BLTP1: variants seen among roughly 807,000 people sequenced by gnomAD.
The protein encoded by BLTP1 is bridge-like lipid transfer protein family member 1.
chr4:122,252,217 C>T, the BLTP1 span, among the ~76,000 whole-genome samples: 207 of 152,290 alleles, frequency 1.4e-3, 3 homozygotes, highest in African/African-American at 4.6e-3. Context: ...TGACCTAGCA[C>T]GTTCCTAGCT....
the BLTP1 span, among the ~76,000 whole-genome samples, chr4:122,296,343 A>G: frequency 6.6e-6 from 1 of 152,224 alleles, no homozygotes; most frequent in Non-Finnish European, 1.5e-5. Flanking sequence ...TAAAATACCT[A>G]GGAATACAGC....
the BLTP1 span, chr4:122,325,879 ACAC>A: frequency 6.7e-6 from 8 of 1,190,206 alleles, no homozygotes; most frequent in African/African-American, 1.3e-4. Flanking sequence ...ATGGGGAAGT[ACAC>A]CACAATCCAG....
chr4:122,197,125 A>C, the BLTP1 span: 1 of 788,324 alleles, frequency 1.3e-6, no homozygotes, highest in Non-Finnish European at 2.0e-6. Context: ...CTGTAATAAT[A>C]ACTGAAAAGT....
At chr4:122,219,250 A>C in the BLTP1 span, 1 of 1,524,296 alleles carries the variant, frequency 6.6e-7, no homozygotes, top group Non-Finnish European at 8.8e-7. Context: ...TAGGTTAAGG[A>C]AATGCATAAT....
the BLTP1 span, chr4:122,237,946 G>A: frequency 1.3e-6 from 1 of 790,978 alleles, no homozygotes; most frequent in Non-Finnish European, 1.8e-6. Context: ...TCGTGCCACT[G>A]TATTCCAGCC....
At chr4:122,238,428 T>TTCCC in the BLTP1 span, 1 of 1,188,544 alleles carries the variant, frequency 8.4e-7, no homozygotes, top group Non-Finnish European at 1.2e-6. Context: ...GAAAAACTTC[T>TTCCC]TCCCTCTCCA....
the BLTP1 span, among the ~76,000 whole-genome samples, chr4:122,351,570 T>C: frequency 1.3e-5 from 2 of 152,226 alleles, no homozygotes; most frequent in Non-Finnish European, 2.9e-5. Context: ...TCCTTTGCCT[T>C]CTTTTAATTT....
At chr4:122,331,034 G>T in the BLTP1 span, 1 of 964,862 alleles carries the variant, frequency 1.0e-6, no homozygotes, top group Non-Finnish European at 1.2e-6. Context: ...TATAATTTGA[G>T]AAAATGAAAT....
the BLTP1 span, among the ~76,000 whole-genome samples, chr4:122,164,701 A>G: frequency 2.6e-5 from 4 of 152,096 alleles, no homozygotes; most frequent in Admixed American, 6.5e-5. Flanking sequence ...TTATATTGGT[A>G]TGGACTCAGA....
At chr4:122,199,672 C>A in the BLTP1 span, among the ~76,000 whole-genome samples, 2 of 152,102 alleles carry the variant, frequency 1.3e-5, no homozygotes, top group African/African-American at 4.8e-5. Context: ...GGCAATGATA[C>A]ATGTTTTTGG....
chr4:122,209,763 G>A, the BLTP1 span: 3 of 1,584,290 alleles, frequency 1.9e-6, no homozygotes, highest in Admixed American at 3.7e-5. Context: ...TGGTATCTCT[G>A]TACAATTAAA....
the BLTP1 span, chr4:122,277,385 A>G: frequency 3.4e-6 from 3 of 888,228 alleles, no homozygotes; most frequent in African/African-American, 1.8e-5. Context: ...GTCAAACACT[A>G]CTTCATTATG....
the BLTP1 span, chr4:122,292,277 G>C: frequency 2.2e-6 from 2 of 900,554 alleles, no homozygotes; most frequent in Non-Finnish European, 2.7e-6. Context: ...CCATCAAACA[G>C]TTTTATCTTC....
chr4:122,203,635 T>G, the BLTP1 span: 1 of 155,664 alleles, frequency 6.4e-6, no homozygotes, highest in Non-Finnish European at 1.4e-5. Flanking sequence ...AGATTTTGGT[T>G]TAATAACAAT....
At chr4:122,312,887 G>A in the BLTP1 span, 1 of 860,334 alleles carries the variant, frequency 1.2e-6, no homozygotes, top group Non-Finnish European at 1.4e-6. Context: ...GTACTCTGGA[G>A]TTTAAATTGA....
the BLTP1 span, among the ~76,000 whole-genome samples, chr4:122,317,318 C>T: frequency 6.0e-5 from 9 of 150,068 alleles, no homozygotes; most frequent in South Asian, 4.2e-4. Flanking sequence ...GGTGACACAG[C>T]GAGACTCCAT....
chr4:122,221,239 C>T, the BLTP1 span: 1 of 164,322 alleles, frequency 6.1e-6, no homozygotes, highest in Non-Finnish European at 1.3e-5. Context: ...AGCATATCTC[C>T]TTTTCATTCT....
the BLTP1 span, chr4:122,279,946 A>G: frequency 2.5e-6 from 4 of 1,614,138 alleles, no homozygotes; most frequent in African/African-American, 4.0e-5. Context: ...AACTATCTAA[A>G]CAAATCTCAG....
chr4:122,202,917 G>T, the BLTP1 span, among the ~76,000 whole-genome samples: 7 of 151,632 alleles, frequency 4.6e-5, no homozygotes, highest in East Asian at 1.4e-3. Context: ...TTTATTTGGA[G>T]AAATTTTTAA....
Sources: allele counts gnomAD v4.1 joint callset (sites outside exome capture counted in the v4.1 genomes callset), GRCh38; gene constraint gnomAD v4.1.1; transcripts MANE v1.5; gene names NCBI Gene and HGNC (gene_info 2026-07-23, HGNC 2026-07-21).